Variants in TXNRD2 observed in about 807,000 individuals in gnomAD.
TXNRD2 encodes thioredoxin reductase 2, also known as thioredoxin reductase 2, mitochondrial.
Under a neutral mutation model 70.8 loss-of-function variants are expected in TXNRD2, and 67 were observed. The ratio of observed to expected loss-of-function variants is 0.95; its 90% confidence interval spans 0.78 to 1.16. The LOEUF is 1.16. Among genes scored for constraint, TXNRD2 ranks in the 50% most tolerant of loss-of-function variants. TXNRD2 has a pLI of 0.00. For missense variants in TXNRD2, 644 were observed against 719.9 expected, an observed-to-expected ratio of 0.89 and a Z score of 1.21; for synonymous variants, 301 against 295.8, an observed-to-expected ratio of 1.02 and a Z score of -0.18.
intron 2 of TXNRD2, among the ~76,000 whole-genome samples, chr22:19,920,970 G>A (rs1940885119): frequency 6.6e-6 from 1 of 151,526 alleles, no homozygotes; most frequent in South Asian, 2.1e-4. Flanking sequence ...AGTTGGGCGT[G>A]GTGGCAGGTG....
intron 7 of TXNRD2, chr22:19,914,913 G>A: frequency 2.3e-6 from 1 of 429,478 alleles, no homozygotes; most frequent in Non-Finnish European, 4.4e-6. Context: ...GGAAAAGGGG[G>A]AATCAGCAAT....
At chr22:19,915,321 G>A (rs1378081548) in intron 6 of TXNRD2, 45 bp from the exon 7 acceptor site, 2 of 1,592,032 alleles carry the variant, frequency 1.3e-6, no homozygotes, top group African/African-American at 2.7e-5. Context: ...GGTGCATGGT[G>A]ATCACCCCAC....
At chr22:19,909,527 C>T (rs568374425) in intron 8 of TXNRD2, among the ~76,000 whole-genome samples, 4,021 of 130,526 alleles carry the variant, frequency 0.031, 216 homozygotes, top group African/African-American at 0.11. Context: ...CTCACACACA[C>T]ACACCACACA....
chr22:19,891,875 G>C (rs756947817), intron 11 of TXNRD2: 2 of 152,236 alleles, frequency 1.3e-5, no homozygotes, highest in Non-Finnish European at 1.5e-5. Context: ...AGGCTGCGTC[G>C]AGGAAGGGGC....
intron 10 of TXNRD2, among the ~76,000 whole-genome samples, chr22:19,896,814 C>T (rs1380790815): frequency 6.6e-6 from 1 of 152,106 alleles, no homozygotes; most frequent in Non-Finnish European, 1.5e-5. Flanking sequence ...GAGTCTGGCC[C>T]GCCGGGCAGG....
intron 1 of TXNRD2, among the ~76,000 whole-genome samples, chr22:19,936,875 A>G (rs186586896): frequency 1.4e-4 from 21 of 152,294 alleles, no homozygotes; most frequent in Non-Finnish European, 5.9e-5. Flanking sequence ...TTATTACGCC[A>G]AAACAAACAA....
In TXNRD2 at chr22:19,883,454, G is replaced by C. The variant is rs371700934; in HGVS notation, c.957C>G (p.Val319=). 315 of 1,613,944 alleles carry C rather than the reference G, an allele frequency of 2.0e-4. No individual in the cohort carries two copies. Among genetic ancestry groups the C allele is most frequent in the Non-Finnish European group, 2.5e-4 (300 of 1,180,054 alleles). The change falls in exon 12 of 18, where the codon GTC becomes GTG. Residue 319 remains valine (V), a synonymous_variant. Coordinates refer to ENST00000400521, the MANE Select transcript of TXNRD2 (RefSeq NM_006440.5). ...CCAAATTCAGACTTCTGGTGTCTGGGACTCGACCTGAAGGAAACAGAGAGG... is the reference window on the plus strand; with the variant it reads ...CCAAATTCAGACTTCTGGTGTCTGGCACTCGACCTGAAGGAAACAGAGAGG... The part of the protein sequence containing the change: ...FDTVLWAIGR[V]PDTRSLNLEK...
intron 12 of TXNRD2, 177 bp from the exon 13 acceptor site, chr22:19,880,894 C>A: frequency 3.3e-6 from 2 of 610,608 alleles, no homozygotes; most frequent in Non-Finnish European, 5.9e-6. Flanking sequence ...AGGGGCATCC[C>A]AAGGACCTAG....
chr22:19,877,253 G>A lies in TXNRD2; in HGVS notation c.1446-19C>T, dbSNP rs940349615. The stretch of plus-strand genomic sequence containing the variant: ...CCCACACCTGCACATGGGGGATGGG[G>A]GAGGCAGGCGGGGTCAGCACAGGGA... On this transcript the variant is annotated intron_variant, in intron 16 of 17. Transcript: ENST00000400521. The A allele has an allele frequency of 6.2e-7, 1 of 1,604,902 alleles. No homozygotes were observed.
chr22:19,915,569 A>G (rs1373322197), intron 6 of TXNRD2, among the ~76,000 whole-genome samples, 196 bp downstream of exon 6: 1 of 152,236 alleles, frequency 6.6e-6, no homozygotes, highest in African/African-American at 2.4e-5. Context: ...CCCTGTTGCC[A>G]TGCCACTCCG....
chr22:19,913,666 G>A (rs1159510155), intron 7 of TXNRD2, among the ~76,000 whole-genome samples: 3 of 152,196 alleles, frequency 2.0e-5, no homozygotes, highest in African/African-American at 7.2e-5. Flanking sequence ...GCATATTCCT[G>A]GGAACCTAGG....
intron 8 of TXNRD2, among the ~76,000 whole-genome samples, chr22:19,904,679 G>A (rs535939269): frequency 3.3e-5 from 5 of 152,286 alleles, no homozygotes; most frequent in African/African-American, 9.6e-5. Flanking sequence ...GGGAGGCCTC[G>A]TGCACGCCGC....
At chr22:19,907,771 C>T (rs71312719) in intron 8 of TXNRD2, among the ~76,000 whole-genome samples, 1 of 36,668 alleles carries the variant, frequency 2.7e-5, no homozygotes, top group Non-Finnish European at 5.3e-5. Context: ...GTGTGGGCGC[C>T]GTGGGTAGCA....
intron 9 of TXNRD2, among the ~76,000 whole-genome samples, chr22:19,898,605 C>T (rs1939629614): frequency 6.6e-6 from 1 of 151,240 alleles, no homozygotes; most frequent in Non-Finnish European, 1.5e-5. Flanking sequence ...ACGTCTGCCT[C>T]CCAGGTTCAA....
In TXNRD2 at chr22:19,899,073, T is replaced by TA; in HGVS notation, c.663-6dup. ...CAGCTGGCCCCGACCACCAACCTGT[T>TA]AGAGAAACAGAGAGAGAGCACATGT... On this transcript the variant is annotated splice_region_variant and splice_polypyrimidine_tract_variant and intron_variant, in intron 8 of 17. Transcript: ENST00000400521. The TA allele has an allele frequency of 6.2e-7, 1 of 1,607,264 alleles. No homozygotes were observed. The highest frequency in any genetic ancestry group is 1.1e-5 in the South Asian group (1 of 91,060).
rs1938724097 is a variant in TXNRD2 at position 19,880,617 on chromosome 22, C to T, written c.1182+5G>A. 9 of 1,613,102 alleles carry T rather than the reference C, an allele frequency of 5.6e-6. No homozygotes were observed. The highest frequency in any genetic ancestry group is 6.8e-6 in the Non-Finnish European group (8 of 1,179,798). On this transcript the variant is annotated splice_donor_5th_base_variant and intron_variant, in intron 13 of 17. Transcript: ENST00000400521. ...CTGCACGTGGCGTCCTGCTAGAGAA[C>T]TCACATTGTCGTAGTCCATCAGATC... is the stretch of plus-strand genomic sequence containing the variant.
At chr22:19,883,285 G>A (rs374793398) in intron 12 of TXNRD2, 40 bp downstream of exon 12, 1 of 1,606,396 alleles carries the variant, frequency 6.2e-7, no homozygotes, top group African/African-American at 1.3e-5. Flanking sequence ...TGGTGGAGCA[G>A]GCAGGGGCAG....
intron 2 of TXNRD2, among the ~76,000 whole-genome samples, chr22:19,923,993 CT>C (rs1017520390): frequency 1.7e-4 from 26 of 150,930 alleles, no homozygotes; most frequent in African/African-American, 5.4e-4. Flanking sequence ...TAAAAAAAGG[CT>C]TTTTTTTCTT....
intron 1 of TXNRD2, chr22:19,932,540 G>A (rs1941406767): frequency 6.6e-7 from 1 of 1,515,374 alleles, no homozygotes; most frequent in Admixed American, 1.9e-5. Context: ...CACTGAACTG[G>A]GCCTGAGGTC....
Sources: allele counts gnomAD v4.1 joint callset (sites outside exome capture counted in the v4.1 genomes callset), GRCh38; gene constraint gnomAD v4.1.1; transcripts MANE v1.5; gene names NCBI Gene and HGNC (gene_info 2026-07-23, HGNC 2026-07-21).